The following MYO6 variants were observed in gnomAD, a reference collection of about 807,000 sequenced individuals.
The protein encoded by MYO6 is myosin VI.
A neutral mutation model predicts 178.7 loss-of-function variants in MYO6; 74 were observed. The ratio of observed to expected loss-of-function variants is 0.41; its 90% CI spans 0.34 to 0.50. The LOEUF is 0.50. Ranked by LOEUF, MYO6 falls within the 20% of genes least tolerant of loss-of-function variation. MYO6 has a pLI of 0.09. For missense variants in MYO6, 1,330 were observed against 1,547.4 expected (o/e 0.86, Z 2.36); for synonymous variants, 477 against 504.6 (o/e 0.95, Z 0.73).
chr6:75,888,319 A>G (rs113405549), intron 25 of MYO6, among the ~76,000 whole-genome samples: 30 of 151,960 alleles, frequency 2.0e-4, no homozygotes, highest in African/African-American at 6.5e-4. Flanking sequence ...ATATAATACT[A>G]TAAAAAATTT....
chr6:75,794,786 T>C (rs566315394), intron 1 of MYO6, among the ~76,000 whole-genome samples: 1 of 151,488 alleles, frequency 6.6e-6, no homozygotes, highest in African/African-American at 2.4e-5. Flanking sequence ...TATCACCTAA[T>C]AAGAAAATTA....
At position 75,797,411 on chromosome 6, in the gene MYO6, C is replaced by A. The variant is rs116399921; in HGVS notation, c.-47-20090C>A. On this transcript the variant is annotated intron_variant, in intron 1 of 34. Coordinates refer to ENST00000369977, the MANE Select transcript of MYO6 (RefSeq NM_004999.4). ...TCCAGTGTGTGTATTTATTTTTAAGCAGGCATATTATGTTCAAAGAATGCA... is the reference window on the plus strand; with the variant it reads ...TCCAGTGTGTGTATTTATTTTTAAGAAGGCATATTATGTTCAAAGAATGCA... Among the ~76,000 whole-genome samples the A allele has an allele frequency of 1.8e-3, 275 of 152,236 alleles. 1 individual carries two copies. The highest frequency in any genetic ancestry group is 6.4e-3 in the African/African-American group (264 of 41,560).
rs1398971778 is a variant in MYO6, at chr6:75,891,245, C to T, written c.2885C>T (p.Ala962Val). 3.1e-6 allele frequency: 5 copies of T among 1,605,546 alleles called. No homozygotes were observed. The highest frequency in any genetic ancestry group is 2.2e-5 in the East Asian group (1 of 44,572). Residue 962 changes from alanine to valine, a missense_variant, in exon 27 of 35, where the codon GCA becomes GTA. This residue lies in a region of MYO6 where 601 missense variants were observed against 626.1 expected (regional missense o/e 0.96). Coordinates refer to ENST00000369977, the MANE Select transcript of MYO6 (RefSeq NM_004999.4). ...TTTATTAGGAAACTTGAGATGGAAGCAAAGAGAAAACAAGAAGAAGAAGAG... is the reference window on the plus strand; with the variant it reads ...TTTATTAGGAAACTTGAGATGGAAGTAAAGAGAAAACAAGAAGAAGAAGAG... ...EERRMKLEMEAKRKQEEEERK... is the reference protein window; with the variant it reads ...EERRMKLEMEVKRKQEEEERK...
intron 2 of MYO6, among the ~76,000 whole-genome samples, chr6:75,819,091 T>G (rs1027805787): frequency 6.6e-6 from 1 of 152,210 alleles, no homozygotes; most frequent in African/African-American, 2.4e-5. Context: ...TTTTCATATT[T>G]TAAATATTTT....
chr6:75,916,541 G>C lies in MYO6; in HGVS notation c.*1529G>C, dbSNP rs1200463181. The stretch of plus-strand genomic sequence containing the variant: ...TTACTGCATAGCTTCACCCACCCTC[G>C]GGTCATTTCGTCCCTGTGATTGGGG... On this transcript the variant is annotated 3_prime_UTR_variant, in exon 35 of 35. Coordinates refer to ENST00000369977, the MANE Select transcript of MYO6 (RefSeq NM_004999.4). 6.6e-6 allele frequency: 1 copy of C among 152,468 alleles called. No homozygotes were observed. Among genetic ancestry groups the C allele is most frequent in the Non-Finnish European group, 1.5e-5 (1 of 68,022 alleles). 9.4% of individuals were successfully genotyped at this position (152,468 alleles called of 1,614,324 possible).
At chr6:75,888,387 C>G (rs1778633838) in intron 25 of MYO6, among the ~76,000 whole-genome samples, 1 of 152,020 alleles carries the variant, frequency 6.6e-6, no homozygotes, top group Non-Finnish European at 1.5e-5. Flanking sequence ...GGCCCAGGCG[C>G]AGGGATCACC....
chr6:75,838,202 G>A (rs762019121), intron 7 of MYO6, among the ~76,000 whole-genome samples: 5 of 151,980 alleles, frequency 3.3e-5, no homozygotes, highest in Non-Finnish European at 7.4e-5. Flanking sequence ...ATAGGGGTGT[G>A]TGCCACCACG....
chr6:75,895,949 A>G (rs918349163), intron 29 of MYO6, among the ~76,000 whole-genome samples: 2 of 152,182 alleles, frequency 1.3e-5, no homozygotes, highest in African/African-American at 4.8e-5. Flanking sequence ...AAAATAATTC[A>G]TCATCTGAAA....
At chr6:75,871,289 G>T (rs935660883) in intron 19 of MYO6, among the ~76,000 whole-genome samples, 1 of 151,988 alleles carries the variant, frequency 6.6e-6, no homozygotes, top group Non-Finnish European at 1.5e-5. Context: ...ATTCTCTCTC[G>T]CCCAGGCTGG....
At chr6:75,853,449 C>G (rs548430428) in intron 11 of MYO6, among the ~76,000 whole-genome samples, 1 of 152,008 alleles carries the variant, frequency 6.6e-6, no homozygotes, top group Admixed American at 6.6e-5. Flanking sequence ...TTTTTTCTAA[C>G]AGTTTAATAG....
At chr6:75,853,771 T>C (rs1179564642) in intron 11 of MYO6, among the ~76,000 whole-genome samples, 3 of 152,212 alleles carry the variant, frequency 2.0e-5, no homozygotes, top group African/African-American at 7.2e-5. Flanking sequence ...ATATCGTTTA[T>C]TAATATTAAT....
At chr6:75,828,692 A>G in intron 4 of MYO6, 79 bp downstream of exon 4, 1 of 914,492 alleles carries the variant, frequency 1.1e-6, no homozygotes, top group South Asian at 1.3e-5. Context: ...TCACGCTTGA[A>G]ATTGTCTAAC....
At chr6:75,898,057 G>A (rs1316151147) in intron 29 of MYO6, among the ~76,000 whole-genome samples, 1 of 152,118 alleles carries the variant, frequency 6.6e-6, no homozygotes, top group African/African-American at 2.4e-5. Context: ...TTCCTGTATG[G>A]ATTTAGACCA....
chr6:75,840,179 G>C (rs1361128445), intron 7 of MYO6, among the ~76,000 whole-genome samples: 1 of 50,366 alleles, frequency 2.0e-5, no homozygotes, highest in Admixed American at 2.1e-4. Context: ...TTTTTTTTTT[G>C]AGACAGAGCC....
At position 75,891,321 on chromosome 6, in the gene MYO6, G is replaced by A. The variant is rs772642366; in HGVS notation, c.2946+15G>A. On this transcript the variant is annotated intron_variant, in intron 27 of 34. Transcript: ENST00000369977. ...AACGCATTCAAGTATGTACTTACTG[G>A]GTTGAATTTCTATTAAAATGGAACC... 6.3e-7 allele frequency: 1 copy of A among 1,582,116 alleles called. No individual in the cohort carries two copies. The highest frequency in any genetic ancestry group is 2.3e-5 in the East Asian group (1 of 44,028).
At chr6:75,831,626 G>T (rs556434656) in intron 5 of MYO6, among the ~76,000 whole-genome samples, 2 of 152,304 alleles carry the variant, frequency 1.3e-5, no homozygotes, top group African/African-American at 4.8e-5. Context: ...GAGGATGGGT[G>T]TGGTGGCTTA....
At position 75,886,952 on chromosome 6, in the gene MYO6, G is replaced by A; in HGVS notation, c.2616G>A (p.Lys872=). 6.2e-7 allele frequency: 1 copy of A among 1,613,674 alleles called. No homozygotes were observed. The highest frequency in any genetic ancestry group is 8.5e-7 in the Non-Finnish European group (1 of 1,179,780). ...AACCCGAGATGAATAAACAGATCAA[G>A]AATCTGGAAATTTCTATTGATACTT... ...DGKPEMNKQI[K]NLEISIDTLM... The change falls in exon 25 of 35, where the codon AAG becomes AAA. Residue 872 remains lysine, a synonymous_variant. Coordinates refer to ENST00000369977, the MANE Select transcript of MYO6 (RefSeq NM_004999.4).
chr6:75,813,740 T>C (rs1323108201), intron 1 of MYO6, among the ~76,000 whole-genome samples: 1 of 152,208 alleles, frequency 6.6e-6, no homozygotes, highest in Non-Finnish European at 1.5e-5. Context: ...AGGGGCTCTT[T>C]AGTCAGCAGG....
chr6:75,820,203 G>A (rs1771729183), intron 2 of MYO6, among the ~76,000 whole-genome samples: 1 of 152,140 alleles, frequency 6.6e-6, no homozygotes, highest in Admixed American at 6.5e-5. Flanking sequence ...CTGGTCTTCT[G>A]TTGTGTCAAC....
Sources: gnomAD v4.1 joint callset for allele counts (sites outside exome capture counted in the v4.1 genomes callset) on GRCh38, gnomAD v4.1.1 for gene constraint, gnomAD v4.1.1 regional missense constraint, MANE v1.5 for transcripts, NCBI Gene and HGNC (gene_info 2026-07-23, HGNC 2026-07-21) for gene names.